Variants in RUNX1 observed in about 807,000 individuals in gnomAD.
RUNX1 encodes RUNX family transcription factor 1, also known as runt-related transcription factor 1.
RUNX1 carries 19 observed loss-of-function variants against 42.8 expected under a neutral mutation model. The observed-to-expected ratio is 0.44, with a 90% CI of 0.31 to 0.65. The LOEUF (loss-of-function observed/expected upper bound fraction) is 0.65, where lower values mean the gene tolerates loss of function less well. RUNX1 is among the 30% of genes least tolerant of loss of function. The probability of loss-of-function intolerance (pLI) is 0.07; values close to 1 mark genes in which losing one functional copy is unlikely to be tolerated. For synonymous variants in RUNX1, 271 were observed against 289.4 expected, an observed-to-expected ratio of 0.94 and a Z score of 0.64; for missense variants, 528 against 672.0, an observed-to-expected ratio of 0.79 and a Z score of 2.37.
intron 2 of RUNX1, among the ~76,000 whole-genome samples, chr21:34,939,233 A>G (rs925258402): frequency 6.6e-6 from 1 of 152,262 alleles, no homozygotes; most frequent in Non-Finnish European, 1.5e-5. Flanking sequence ...AGAATGTGAT[A>G]CTTTGCTAGG....
intron 7 of RUNX1, among the ~76,000 whole-genome samples, chr21:34,813,760 C>T (rs189229542): frequency 1.1e-4 from 17 of 152,158 alleles, no homozygotes; most frequent in Admixed American, 1.0e-3. Context: ...CGCAAATCAC[C>T]GTCAACATTA....
intron 6 of RUNX1, among the ~76,000 whole-genome samples, chr21:34,852,549 T>A (rs2057436878): frequency 1.3e-5 from 2 of 152,232 alleles, no homozygotes; most frequent in African/African-American, 4.8e-5. Flanking sequence ...TGCCAAGTCA[T>A]CAGGTAGTTG....
At chr21:35,019,302 C>T (rs2059181387) in intron 2 of RUNX1, among the ~76,000 whole-genome samples, 1 of 152,128 alleles carries the variant, frequency 6.6e-6, no homozygotes. Flanking sequence ...TGTAATGGCT[C>T]GAGACACCTT....
chr21:34,948,807 G>A (rs372254061), intron 2 of RUNX1, among the ~76,000 whole-genome samples: 15 of 152,012 alleles, frequency 9.9e-5, no homozygotes, highest in East Asian at 1.9e-4. Flanking sequence ...GTGCAGTGGC[G>A]CGGTCTCAGC....
Position 34,868,848 on chromosome 21 carries a change from C to A in RUNX1, c.509-9270G>T, listed in dbSNP as rs146015404. 9.8e-5 allele frequency among the ~76,000 whole-genome samples: 15 copies of A among 152,302 alleles called. No individual in the cohort carries two copies. The East Asian group carries it at 2.9e-3, about 29-fold the overall frequency. On this transcript the variant is annotated intron_variant, in intron 5 of 8. Coordinates refer to ENST00000675419, the MANE Select transcript of RUNX1 (RefSeq NM_001754.5). Reference sequence around the variant, plus strand: ...CACACAGTAGGTGCACAATGTATATCTGATAAATGAATGAATGAAAGAAAT... The same window carrying A: ...CACACAGTAGGTGCACAATGTATATATGATAAATGAATGAATGAAAGAAAT...
intron 2 of RUNX1, among the ~76,000 whole-genome samples, chr21:34,934,788 G>A (rs1004304470): frequency 2.6e-5 from 4 of 152,170 alleles, no homozygotes; most frequent in African/African-American, 4.8e-5. Flanking sequence ...GAGGCCATGA[G>A]GGTGTGAATC....
chr21:34,877,685 C>T lies in RUNX1; in HGVS notation c.508+2872G>A, dbSNP rs76283467. ...CCGGACAGGCAGGTTTTCCCAGTTA[C>T]GGAATGAACCCGAGGTTAGGAGCTG... On this transcript the variant is annotated intron_variant, in intron 5 of 8. Coordinates refer to ENST00000675419, the MANE Select transcript of RUNX1 (RefSeq NM_001754.5). 3.1e-3 allele frequency among the ~76,000 whole-genome samples: 470 copies of T among 152,304 alleles called. 3 individuals are homozygous for T. The highest frequency in any genetic ancestry group is 0.01 in the African/African-American group (436 of 41,572).
intron 2 of RUNX1, among the ~76,000 whole-genome samples, chr21:35,034,577 T>C (rs2059294055): frequency 6.6e-6 from 1 of 152,230 alleles, no homozygotes; most frequent in South Asian, 2.1e-4. Context: ...CATCTGGCAA[T>C]GTCTGGAGAT....
At chr21:34,898,949 T>C (rs1050295853) in intron 2 of RUNX1, among the ~76,000 whole-genome samples, 1 of 152,198 alleles carries the variant, frequency 6.6e-6, no homozygotes, top group African/African-American at 2.4e-5. Flanking sequence ...AGTCTCACTC[T>C]GTCACCCAGG....
intron 2 of RUNX1, among the ~76,000 whole-genome samples, chr21:34,917,234 G>C (rs892832022): frequency 1.3e-5 from 2 of 152,170 alleles, no homozygotes; most frequent in Non-Finnish European, 2.9e-5. Flanking sequence ...CGGCCAACTG[G>C]GAGATAGGGC....
At chr21:34,959,736 C>G (rs2058670032) in intron 2 of RUNX1, among the ~76,000 whole-genome samples, 2 of 152,224 alleles carry the variant, frequency 1.3e-5, no homozygotes, top group Middle Eastern at 3.4e-3. Context: ...CAGCTGGGAA[C>G]TGGAGTTAGA....
At chr21:34,886,753 G>T in intron 4 of RUNX1, 90 bp downstream of exon 4, 1 of 1,593,804 alleles carries the variant, frequency 6.3e-7, no homozygotes. Context: ...TCCAGAATCC[G>T]GCCCCGCCCG....
At position 34,823,430 on chromosome 21, in the gene RUNX1, G is replaced by GTT. The variant is rs56957776; in HGVS notation, c.805+10978_805+10979dup. Among the ~76,000 whole-genome samples, 102 of 99,656 alleles carry GTT rather than the reference G, an allele frequency of 1.0e-3. 3 individuals are homozygous for GTT. The highest frequency in any genetic ancestry group is 3.6e-3 in the African/African-American group (70 of 19,524). 65.4% of individuals were successfully genotyped at this position (99,656 alleles called of 152,430 possible). On this transcript the variant is annotated intron_variant, in intron 7 of 8. Coordinates refer to ENST00000675419, the MANE Select transcript of RUNX1 (RefSeq NM_001754.5). ...TAAGCACCATTTCCATTCCTGGTGG[G>GTT]TTTTTTTTTTTTTTTTTTTTTTTTT...
intron 5 of RUNX1, among the ~76,000 whole-genome samples, chr21:34,870,389 G>A (rs977511278): frequency 6.6e-6 from 1 of 152,236 alleles, no homozygotes; most frequent in African/African-American, 2.4e-5. Context: ...TTCAAGGACA[G>A]ATAGCTCCAA....
At chr21:34,926,863 G>A (rs1293835543) in intron 2 of RUNX1, among the ~76,000 whole-genome samples, 2 of 152,126 alleles carry the variant, frequency 1.3e-5, no homozygotes, top group East Asian at 3.9e-4. Context: ...ACCTTAGAGA[G>A]AAAATCAAAA....
In RUNX1 at chr21:34,890,784, G is replaced by C. The variant is rs1049123704; in HGVS notation, c.97+2141C>G. Among the ~76,000 whole-genome samples, 4 of 125,318 alleles carry C rather than the reference G, an allele frequency of 3.2e-5. No individual in the cohort carries two copies. In the Admixed American group the frequency reaches 3.2e-4, roughly 10 times the overall value. The allele number at this position is 125,318 out of a possible 152,430, so 82.2% of individuals were successfully genotyped here. On this transcript the variant is annotated intron_variant, in intron 3 of 8. Coordinates refer to ENST00000675419, the MANE Select transcript of RUNX1 (RefSeq NM_001754.5). ...ACTCTGTCCCTGAGAAGAGTGCATC[G>C]CGCGCGCCCGCCCGCCCGCAGGGGC...
intron 3 of RUNX1, chr21:34,888,340 G>T: frequency 1.9e-6 from 2 of 1,060,466 alleles, no homozygotes; most frequent in South Asian, 9.1e-5. Context: ...ATCCTGCCAC[G>T]CACACTGCCA....
chr21:34,857,599 C>T (rs2057513275), intron 6 of RUNX1, among the ~76,000 whole-genome samples: 1 of 152,200 alleles, frequency 6.6e-6, no homozygotes. Flanking sequence ...GTTCTAAATA[C>T]AGTGGTTCTA....
In RUNX1 at chr21:34,799,330, A is replaced by C. The variant is rs766264813; in HGVS notation, c.938T>G (p.Leu313Arg). ...GAGTCGACTGGAAAGTTCTGCAGAG[A>C]GGGTTGTCATGCCGCTGGCACGTCC... Reference protein sequence around the residue: ...SPGRASGMTTLSAELSSRLST... With the variant: ...SPGRASGMTTRSAELSSRLST... The change falls in exon 8 of 9, where the codon CTC (leucine) becomes CGC (arginine). Residue 313 changes from leucine to arginine, a missense_variant. Leu to Arg is a moderately radical substitution (Grantham distance 102). Transcript: ENST00000675419. 4 of 1,614,020 alleles carry C rather than the reference A, an allele frequency of 2.5e-6. No homozygotes were observed. In the African/African-American group the frequency reaches 5.3e-5, roughly 22 times the overall value.
Sources: allele counts gnomAD v4.1 joint callset (sites outside exome capture counted in the v4.1 genomes callset), GRCh38; gene constraint gnomAD v4.1.1; transcripts MANE v1.5; gene names NCBI Gene and HGNC (gene_info 2026-07-23, HGNC 2026-07-21).